Variants in ADGRL3 observed in about 807,000 individuals in gnomAD.
ADGRL3 encodes the protein adhesion G protein-coupled receptor L3, also known as calcium-independent alpha-latrotoxin receptor 3.
In ADGRL3, 62 loss-of-function variants were observed where a neutral mutation model predicts 153.5. That is an observed-to-expected ratio of 0.40 (90% CI 0.33 to 0.50). The LOEUF (loss-of-function observed/expected upper bound fraction) is 0.50, where lower values mean the gene tolerates loss of function less well. ADGRL3 is among the 20% of genes least tolerant of loss of function. The probability of loss-of-function intolerance (pLI) is 0.47; values close to 1 mark genes in which losing one functional copy is unlikely to be tolerated. For missense variants in ADGRL3, 1,641 were observed against 1,859.4 expected (o/e 0.88, Z 2.16); for synonymous variants, 710 against 672.5 (o/e 1.06, Z -0.86).
intron 6 of ADGRL3, among the ~76,000 whole-genome samples, chr4:61,682,563 A>AT (rs10685495): frequency 0.013 from 1,805 of 136,196 alleles, 49 homozygotes; most frequent in African/African-American, 0.041. Flanking sequence ...CTTTAAAAAA[A>AT]TTTTTTTTTT....
intron 9 of ADGRL3, among the ~76,000 whole-genome samples, chr4:61,857,053 C>T (rs1246396660): frequency 6.8e-6 from 1 of 146,562 alleles, no homozygotes; most frequent in Non-Finnish European, 1.5e-5. Context: ...TTTCTCCCTC[C>T]CTCCCTCTCT....
intron 5 of ADGRL3, among the ~76,000 whole-genome samples, chr4:61,589,575 T>C (rs2098960945): frequency 6.6e-6 from 1 of 152,108 alleles, no homozygotes; most frequent in African/African-American, 2.4e-5. Flanking sequence ...TTAATCCTTT[T>C]CTTTTGCTTA....
intron 21 of ADGRL3, among the ~76,000 whole-genome samples, chr4:62,015,078 G>C (rs1489311453): frequency 6.6e-6 from 1 of 152,192 alleles, no homozygotes; most frequent in Non-Finnish European, 1.5e-5. Flanking sequence ...CATTGGATTT[G>C]TAATTAAAAT....
intron 17 of ADGRL3, among the ~76,000 whole-genome samples, chr4:61,957,017 G>T (rs899111462): frequency 6.6e-6 from 1 of 151,996 alleles, no homozygotes; most frequent in South Asian, 2.1e-4. Flanking sequence ...TTGGCTATAC[G>T]GGGTCTTCTT....
At chr4:61,749,990 T>G (rs1423665429) in intron 8 of ADGRL3, among the ~76,000 whole-genome samples, 1 of 152,052 alleles carries the variant, frequency 6.6e-6, no homozygotes, top group Non-Finnish European at 1.5e-5. Context: ...AGATGAATGA[T>G]TCATTGATTG....
intron 14 of ADGRL3, among the ~76,000 whole-genome samples, chr4:61,935,615 T>C (rs562350649): frequency 6.6e-6 from 1 of 152,238 alleles, no homozygotes; most frequent in East Asian, 1.9e-4. Context: ...AGGATTTTTA[T>C]TTAATTTATA....
At chr4:61,288,089 AC>A (rs1276799391) in intron 1 of ADGRL3, among the ~76,000 whole-genome samples, 1 of 151,896 alleles carries the variant, frequency 6.6e-6, no homozygotes, top group East Asian at 1.9e-4. Flanking sequence ...ATTCTTATGG[AC>A]ATCCCCCAAG....
chr4:61,388,289 G>A (rs1248844466), intron 2 of ADGRL3, among the ~76,000 whole-genome samples: 1 of 152,126 alleles, frequency 6.6e-6, no homozygotes, highest in Admixed American at 6.6e-5. Flanking sequence ...ATAGAACAAT[G>A]CCTATCTTAA....
intron 18 of ADGRL3, among the ~76,000 whole-genome samples, chr4:61,981,309 C>T (rs2099067464): frequency 6.6e-6 from 1 of 151,860 alleles, no homozygotes; most frequent in African/African-American, 2.4e-5. Context: ...TAAAAACAGC[C>T]AATATTATAT....
chr4:62,058,734 A>T (rs1399373791), intron 25 of ADGRL3, among the ~76,000 whole-genome samples: 1 of 152,188 alleles, frequency 6.6e-6, no homozygotes. Context: ...TAAACACTGA[A>T]CTTCTTGGAA....
chr4:61,446,094 G>A (rs1463588432), intron 2 of ADGRL3, among the ~76,000 whole-genome samples: 1 of 152,156 alleles, frequency 6.6e-6, no homozygotes, highest in East Asian at 1.9e-4. Flanking sequence ...ATCATATAAT[G>A]ACATTATTTC....
At chr4:61,409,400 AC>A (rs2097055516) in intron 2 of ADGRL3, among the ~76,000 whole-genome samples, 1 of 58,198 alleles carries the variant, frequency 1.7e-5, no homozygotes, top group Non-Finnish European at 4.7e-5. Context: ...TATTAGACAT[AC>A]ATAATATATA....
At chr4:61,724,610 G>A (rs920479557) in intron 6 of ADGRL3, among the ~76,000 whole-genome samples, 7 of 152,150 alleles carry the variant, frequency 4.6e-5, no homozygotes, top group Non-Finnish European at 1.0e-4. Context: ...TTTATTCAGT[G>A]ATGCATGGGT....
At chr4:61,902,021 T>C (rs2098667294) in intron 11 of ADGRL3, among the ~76,000 whole-genome samples, 1 of 152,178 alleles carries the variant, frequency 6.6e-6, no homozygotes, top group Non-Finnish European at 1.5e-5. Flanking sequence ...CACAGAAAAC[T>C]TGAGGCACAT....
intron 1 of ADGRL3, among the ~76,000 whole-genome samples, chr4:61,222,508 T>C (rs1186141686): frequency 6.6e-6 from 1 of 152,138 alleles, no homozygotes; most frequent in Non-Finnish European, 1.5e-5. Context: ...TTATACTGAC[T>C]TCCTAGAAAA....
chr4:61,555,953 C>T (rs891444382), intron 4 of ADGRL3, among the ~76,000 whole-genome samples: 1 of 152,084 alleles, frequency 6.6e-6, no homozygotes, highest in Non-Finnish European at 1.5e-5. Context: ...TTTACTACAA[C>T]CTGTTTTATC....
chr4:61,489,731 A>G (rs1031251921), intron 2 of ADGRL3, among the ~76,000 whole-genome samples: 11 of 151,994 alleles, frequency 7.2e-5, no homozygotes, highest in African/African-American at 2.4e-4. Flanking sequence ...TAACACCTCT[A>G]TTGATTCAGG....
chr4:61,543,092 G>A (rs924883231), intron 4 of ADGRL3, among the ~76,000 whole-genome samples: 1 of 151,932 alleles, frequency 6.6e-6, no homozygotes, highest in Non-Finnish European at 1.5e-5. Flanking sequence ...TTTGTTTTAT[G>A]TATTTACTAA....
intron 9 of ADGRL3, among the ~76,000 whole-genome samples, chr4:61,849,763 T>G (rs924906878): frequency 6.6e-6 from 1 of 152,154 alleles, no homozygotes; most frequent in African/African-American, 2.4e-5. Flanking sequence ...AGCTGTGACT[T>G]TATTTCTTAC....
Sources: allele counts gnomAD v4.1 joint callset (sites outside exome capture counted in the v4.1 genomes callset), GRCh38; gene constraint gnomAD v4.1.1; transcripts MANE v1.5; gene names NCBI Gene and HGNC (gene_info 2026-07-23, HGNC 2026-07-21).